FGF14: variants seen among roughly 807,000 people sequenced by gnomAD.
The protein encoded by FGF14 is fibroblast growth factor homologous factor 4.
A neutral mutation model predicts 25.5 loss-of-function variants in FGF14; 5 were observed. The ratio of observed to expected loss-of-function variants is 0.20; its 90% CI spans 0.10 to 0.41. FGF14 has a LOEUF of 0.41. FGF14 is among the 10% of genes least tolerant of loss of function. The pLI is 1.00. For synonymous variants in FGF14, 138 were observed against 118.3 expected, an observed-to-expected ratio of 1.17 and a Z score of -1.08; for missense variants, 222 against 320.1, an observed-to-expected ratio of 0.69 and a Z score of 2.34.
chr13:102,228,721 C>T (rs1484443936), intron 1 of FGF14, among the ~76,000 whole-genome samples: 1 of 152,140 alleles, frequency 6.6e-6, no homozygotes, highest in Non-Finnish European at 1.5e-5. Flanking sequence ...AAGAATCCTC[C>T]TGTTATTGCA....
At chr13:101,792,423 G>A (rs2040291572) in intron 3 of FGF14, among the ~76,000 whole-genome samples, 1 of 152,052 alleles carries the variant, frequency 6.6e-6, no homozygotes, top group African/African-American at 2.4e-5. Flanking sequence ...ACTCATCACT[G>A]CCTATCTTGA....
At chr13:101,790,792 T>C (rs752762913) in intron 3 of FGF14, among the ~76,000 whole-genome samples, 1 of 152,146 alleles carries the variant, frequency 6.6e-6, no homozygotes, top group Non-Finnish European at 1.5e-5. Context: ...TTGATGCAAC[T>C]TGATCTTGGA....
intron 1 of FGF14, among the ~76,000 whole-genome samples, chr13:102,086,871 C>G (rs2043931234): frequency 6.6e-6 from 1 of 152,196 alleles, no homozygotes; most frequent in African/African-American, 2.4e-5. Flanking sequence ...GCTTTTAAAA[C>G]TTTCCAGGAT....
At chr13:101,740,621 T>C (rs2036486229) in intron 3 of FGF14, among the ~76,000 whole-genome samples, 1 of 152,154 alleles carries the variant, frequency 6.6e-6, no homozygotes, top group Non-Finnish European at 1.5e-5. Flanking sequence ...CCATGTTCAT[T>C]GGTGCTTCTG....
chr13:101,979,173 T>G (rs1246046002), intron 1 of FGF14, among the ~76,000 whole-genome samples: 1 of 152,238 alleles, frequency 6.6e-6, no homozygotes, highest in Admixed American at 6.5e-5. Context: ...GATGCTGCAC[T>G]GTTCCGTGGT....
At chr13:102,092,081 C>A (rs2044191122) in intron 1 of FGF14, among the ~76,000 whole-genome samples, 1 of 152,146 alleles carries the variant, frequency 6.6e-6, no homozygotes, top group African/African-American at 2.4e-5. Context: ...GGCTGGGAAG[C>A]CACTAGCAGC....
At chr13:102,296,259 G>T (rs1473805057) in intron 1 of FGF14, among the ~76,000 whole-genome samples, 1 of 152,138 alleles carries the variant, frequency 6.6e-6, no homozygotes, top group Non-Finnish European at 1.5e-5. Flanking sequence ...TTTTCCAATA[G>T]ATTGACATAG....
chr13:101,865,974 A>AT (rs1243315668), intron 3 of FGF14, among the ~76,000 whole-genome samples: 2 of 152,020 alleles, frequency 1.3e-5, no homozygotes, highest in Admixed American at 1.3e-4. Flanking sequence ...TGGAGCTGTC[A>AT]TTTTTTCAAA....
intron 1 of FGF14, among the ~76,000 whole-genome samples, chr13:101,981,265 G>A (rs2038244229): frequency 6.6e-6 from 1 of 151,810 alleles, no homozygotes; most frequent in Admixed American, 6.6e-5. Flanking sequence ...GAGCAACAGA[G>A]TGAGATTCTG....
chr13:102,333,865 T>TCAG (rs2056709969), intron 1 of FGF14, among the ~76,000 whole-genome samples: 16 of 152,262 alleles, frequency 1.1e-4, no homozygotes, highest in Admixed American at 8.5e-4. Flanking sequence ...CACAGGATGT[T>TCAG]TCTTATTTTG....
intron 1 of FGF14, among the ~76,000 whole-genome samples, chr13:101,971,910 A>T (rs1222797258): frequency 6.6e-6 from 1 of 152,248 alleles, no homozygotes; most frequent in Non-Finnish European, 1.5e-5. Context: ...TGTATTCTAC[A>T]TGGCAGGGCC....
intron 3 of FGF14, among the ~76,000 whole-genome samples, chr13:101,735,898 C>T (rs1010064495): frequency 1.9e-4 from 29 of 152,098 alleles, no homozygotes; most frequent in East Asian, 5.8e-4. Context: ...TACTGCTTTA[C>T]GTGAAAGAAA....
intron 1 of FGF14, among the ~76,000 whole-genome samples, chr13:102,384,014 G>A (rs895454399): frequency 1.3e-5 from 2 of 152,104 alleles, no homozygotes; most frequent in African/African-American, 2.4e-5. Context: ...ATGATCAGAC[G>A]CAAGATGTTA....
At chr13:101,916,381 G>T (rs946826764) in intron 1 of FGF14, 72 bp downstream of exon 1, 7 of 1,564,376 alleles carry the variant, frequency 4.5e-6, no homozygotes, top group Admixed American at 1.7e-5. Flanking sequence ...GAGGGAAGGA[G>T]CCTGGAGAAG....
chr13:101,776,217 G>A (rs954321109), intron 3 of FGF14, among the ~76,000 whole-genome samples: 1 of 152,114 alleles, frequency 6.6e-6, no homozygotes, highest in African/African-American at 2.4e-5. Context: ...GTGAAAGCTG[G>A]TTATTTAACT....
intron 1 of FGF14, among the ~76,000 whole-genome samples, chr13:102,351,295 A>C (rs191410719): frequency 1.3e-5 from 2 of 152,312 alleles, no homozygotes; most frequent in Non-Finnish European, 2.9e-5. Flanking sequence ...ACAGAAAAAA[A>C]AAACGATCTT....
At chr13:101,781,136 GTC>G (rs60887373) in intron 3 of FGF14, among the ~76,000 whole-genome samples, 1 of 150,874 alleles carries the variant, frequency 6.6e-6, no homozygotes, top group Non-Finnish European at 1.5e-5. Flanking sequence ...CTTTGTCTTT[GTC>G]TCTCTCTCTC....
chr13:102,072,535 T>C (rs2043194833), intron 1 of FGF14, among the ~76,000 whole-genome samples: 1 of 152,172 alleles, frequency 6.6e-6, no homozygotes, highest in Admixed American at 6.5e-5. Flanking sequence ...ACAAATTTAA[T>C]GATAGCCCTT....
At chr13:101,816,545 G>T (rs146630667) in intron 3 of FGF14, among the ~76,000 whole-genome samples, 2,025 of 152,152 alleles carry the variant, frequency 0.013, 48 homozygotes, top group African/African-American at 0.047. Flanking sequence ...AAGCCCTACA[G>T]CTACAGAGAT....
Sources: allele counts gnomAD v4.1 joint callset (sites outside exome capture counted in the v4.1 genomes callset), GRCh38; gene constraint gnomAD v4.1.1; transcripts MANE v1.5; gene names NCBI Gene and HGNC (gene_info 2026-07-23, HGNC 2026-07-21).